The following PPP1R9A variants were observed in gnomAD, a reference collection of about 807,000 sequenced individuals.
PPP1R9A encodes protein phosphatase 1 regulatory subunit 9A.
PPP1R9A carries 59 observed loss-of-function variants against 141.9 expected under a neutral mutation model. The ratio of observed to expected loss-of-function variants is 0.42; its 90% CI spans 0.34 to 0.52. PPP1R9A has a LOEUF of 0.52. Ranked by LOEUF, PPP1R9A falls within the 20% of genes least tolerant of loss-of-function variation. The pLI, the probability that PPP1R9A is intolerant of heterozygous loss-of-function variation, is 0.10. For synonymous variants in PPP1R9A, 500 were observed against 569.7 expected, an observed-to-expected ratio of 0.88 and a Z score of 1.74; for missense variants, 1,444 against 1,611.9, an observed-to-expected ratio of 0.90 and a Z score of 1.78.
At chr7:95,208,697 C>G (rs2152900879) in intron 7 of PPP1R9A, among the ~76,000 whole-genome samples, 1 of 151,600 alleles carries the variant, frequency 6.6e-6, no homozygotes, top group African/African-American at 2.4e-5. Flanking sequence ...GCACTCCATC[C>G]TGGGCCACAG....
intron 2 of PPP1R9A, among the ~76,000 whole-genome samples, chr7:95,103,819 T>G (rs149404940): frequency 5.9e-5 from 9 of 152,344 alleles, no homozygotes; most frequent in African/African-American, 1.9e-4. Context: ...GGAACTCTCT[T>G]TACCCTTTTC....
intron 2 of PPP1R9A, among the ~76,000 whole-genome samples, chr7:95,065,158 T>C (rs1268181281): frequency 6.6e-6 from 1 of 152,164 alleles, no homozygotes; most frequent in Non-Finnish European, 1.5e-5. Context: ...CTCGACCTCC[T>C]GGGCTCAAAC....
chr7:95,086,337 A>G (rs1434350339), intron 2 of PPP1R9A, among the ~76,000 whole-genome samples: 1 of 152,062 alleles, frequency 6.6e-6, no homozygotes, highest in Non-Finnish European at 1.5e-5. Context: ...AAACAGGGTG[A>G]TTGTGTCATA....
intron 4 of PPP1R9A, among the ~76,000 whole-genome samples, chr7:95,121,962 A>G (rs1490612810): frequency 6.6e-6 from 1 of 152,206 alleles, no homozygotes; most frequent in East Asian, 1.9e-4. Flanking sequence ...AGTTGGCAAT[A>G]TAATAAAAGT....
chr7:95,068,983 A>G (rs1329575413), intron 2 of PPP1R9A, among the ~76,000 whole-genome samples: 1 of 152,180 alleles, frequency 6.6e-6, no homozygotes, highest in Non-Finnish European at 1.5e-5. Flanking sequence ...CTAAAATGGC[A>G]TAGTATTTGC....
chr7:95,241,384 G>A (rs1797437943), intron 8 of PPP1R9A, among the ~76,000 whole-genome samples: 1 of 152,186 alleles, frequency 6.6e-6, no homozygotes. Context: ...TGGATCTCAA[G>A]CCATCAGTGA....
In PPP1R9A at chr7:95,087,894, C is replaced by CA. The variant is rs1293796093; in HGVS notation, c.1396-23357dup. ...TAGGTGACAGAGTGAGACTCCATCT[C>CA]AAAAAAAAGAGAGAGAGAAAAAAAA... On this transcript the variant is annotated intron_variant, in intron 2 of 19. Transcript: ENST00000433360. Among the ~76,000 whole-genome samples the CA allele has an allele frequency of 4.9e-5, 6 of 121,878 alleles. No individual in the cohort carries two copies. The South Asian group carries it at 7.6e-4, about 16-fold the overall frequency. The allele number at this position is 121,878 out of a possible 152,430, so 80.0% of individuals were successfully genotyped here.
intron 5 of PPP1R9A, among the ~76,000 whole-genome samples, chr7:95,179,622 C>T (rs1833420538): frequency 6.6e-6 from 1 of 151,970 alleles, no homozygotes; most frequent in Admixed American, 6.6e-5. Context: ...TTCAAAAACC[C>T]TAAAGACTCC....
intron 4 of PPP1R9A, chr7:95,155,959 CA>C (rs1257238780): frequency 2.0e-5 from 3 of 152,292 alleles, no homozygotes; most frequent in Non-Finnish European, 4.4e-5. Flanking sequence ...TGCCTAGTGT[CA>C]CAAGATTCTT....
intron 2 of PPP1R9A, among the ~76,000 whole-genome samples, chr7:94,940,625 AATAATT>A (rs1331956358): frequency 6.6e-6 from 1 of 151,976 alleles, no homozygotes; most frequent in Non-Finnish European, 1.5e-5. Flanking sequence ...AGTTCTTAAA[AATAATT>A]ATAAGTCTCT....
At chr7:95,103,380 T>TTTTTTTTTTTTTG (rs1819068733) in intron 2 of PPP1R9A, among the ~76,000 whole-genome samples, 2 of 143,694 alleles carry the variant, frequency 1.4e-5, no homozygotes, top group African/African-American at 5.3e-5. Context: ...TTTTTTTTTT[T>TTTTTTTTTTTTTG]GAGACAGTCT....
At chr7:94,972,298 T>A (rs955120735) in intron 2 of PPP1R9A, among the ~76,000 whole-genome samples, 92 of 152,332 alleles carry the variant, frequency 6.0e-4, no homozygotes, top group Non-Finnish European at 2.8e-4. Flanking sequence ...TCACATTGAT[T>A]TTGACTTTCA....
intron 6 of PPP1R9A, 62 bp downstream of exon 6, chr7:95,198,546 T>A (rs1003153498): frequency 2.1e-6 from 3 of 1,463,210 alleles, no homozygotes; most frequent in Non-Finnish European, 2.7e-6. Flanking sequence ...CTCTCTCTAC[T>A]GTATAACAGT....
intron 2 of PPP1R9A, among the ~76,000 whole-genome samples, chr7:94,942,200 C>T (rs1269192449): frequency 6.6e-6 from 1 of 152,022 alleles, no homozygotes; most frequent in Non-Finnish European, 1.5e-5. Context: ...CACTCAGAAG[C>T]CATAATAGCA....
chr7:94,930,098 C>G (rs1249063868), intron 2 of PPP1R9A, among the ~76,000 whole-genome samples: 1 of 152,010 alleles, frequency 6.6e-6, no homozygotes, highest in Non-Finnish European at 1.5e-5. Context: ...GAGGGATGAA[C>G]TCATAGGGGC....
At position 95,011,112 on chromosome 7, in the gene PPP1R9A, A is replaced by G. The variant is rs17166571; in HGVS notation, c.1395+99604A>G. Among the ~76,000 whole-genome samples, 584 of 152,290 alleles carry G rather than the reference A, an allele frequency of 3.8e-3. 22 individuals are homozygous for G. The highest frequency in any genetic ancestry group is 0.034 in the East Asian group (178 of 5,192). On this transcript the variant is annotated intron_variant, in intron 2 of 19. Transcript: ENST00000433360. ...TTAAAGATATTTTTCATATCAGCAT[A>G]TTACATCCAAAATACCTCATGCTCA...
intron 2 of PPP1R9A, chr7:95,018,044 A>G (rs995704752): frequency 1.3e-5 from 2 of 153,692 alleles, no homozygotes; most frequent in African/African-American, 4.8e-5. Context: ...AAGGTTTCAA[A>G]AATTATTTCC....
At chr7:95,268,816 G>C in intron 13 of PPP1R9A, 109 bp downstream of exon 13, 1 of 1,293,320 alleles carries the variant, frequency 7.7e-7, no homozygotes, top group South Asian at 1.6e-5. Context: ...GTCCTAGTTG[G>C]TAAGCAGCTA....
intron 2 of PPP1R9A, among the ~76,000 whole-genome samples, chr7:95,020,753 A>G (rs545353524): frequency 6.6e-6 from 1 of 152,298 alleles, no homozygotes; most frequent in Middle Eastern, 3.4e-3. Flanking sequence ...GATGGTTTCC[A>G]GCTTCATCCA....
Sources: gnomAD v4.1 joint callset for allele counts (sites outside exome capture counted in the v4.1 genomes callset) on GRCh38, gnomAD v4.1.1 for gene constraint, MANE v1.5 for transcripts, NCBI Gene and HGNC (gene_info 2026-07-23, HGNC 2026-07-21) for gene names.